Variants in ADCY10 observed in about 807,000 individuals in gnomAD.
The protein encoded by ADCY10 is adenylate cyclase 10.
ADCY10 carries 156 observed loss-of-function variants against 183.3 expected under a neutral mutation model. That is an observed-to-expected ratio of 0.85 (90% CI 0.75 to 0.97). The LOEUF is 0.97. Among genes scored for constraint, ADCY10 ranks in the 50% least tolerant of loss-of-function variants. ADCY10 has a pLI of 0.00. For synonymous variants in ADCY10, 645 were observed against 670.0 expected (o/e 0.96, Z 0.58); for missense variants, 1,745 against 1,934.3 (o/e 0.90, Z 1.84).
intron 30 of ADCY10, chr1:167,820,091 G>A: frequency 6.4e-7 from 1 of 1,573,128 alleles, no homozygotes; most frequent in Non-Finnish European, 8.7e-7. Context: ...TTTGGCTATG[G>A]TTGTCCTGAC....
Position 167,829,267 on chromosome 1 carries a change from C to T in ADCY10, c.3750G>A (p.Gln1250=), listed in dbSNP as rs1363530514. The T allele has an allele frequency of 3.1e-6, 5 of 1,613,996 alleles. No individual in the cohort carries two copies. The highest frequency in any genetic ancestry group is 3.4e-6 in the Non-Finnish European group (4 of 1,179,896). The change falls in exon 26 of 33, where the codon CAG becomes CAA. Residue 1250 remains glutamine, a splice_region_variant and synonymous_variant. Coordinates refer to ENST00000367851, the MANE Select transcript of ADCY10 (RefSeq NM_018417.6). ...AGGAGCAGCTACAAAAATCCCCTAC[C>T]TGGAAACAATTTTGAGTTTCCAGTG... ...NTALETQNCF[Q]IIKAYLDYSL... is the part of the protein sequence containing the mutation.
chr1:167,848,260 A>G, intron 19 of ADCY10, 101 bp downstream of exon 19: 1 of 940,180 alleles, frequency 1.1e-6, no homozygotes, highest in Non-Finnish European at 1.7e-6. Flanking sequence ...CATATTGGCC[A>G]GGCTGGTCTC....
intron 14 of ADCY10, among the ~76,000 whole-genome samples, chr1:167,862,441 C>T (rs1666353434): frequency 6.6e-6 from 1 of 152,122 alleles, no homozygotes; most frequent in Admixed American, 6.5e-5. Context: ...CTTTGGAACA[C>T]CAAAGATGGC....
At position 167,846,255 on chromosome 1, in the gene ADCY10, G is replaced by A; in HGVS notation, c.2446C>T (p.Leu816=). Residue 816 remains leucine, a synonymous_variant, in exon 20 of 33, where the codon CTG becomes TTG. Coordinates refer to ENST00000367851, the MANE Select transcript of ADCY10 (RefSeq NM_018417.6). The part of the protein sequence containing the change: ...SPPTSLKEIS[L]IQLDSMRLSH... Reference sequence around the variant, plus strand: ...AGTCTCATGCTATCCAGCTGGATCAGAGAGATTTCTGCAGGTAGAAGGCCA... The same window carrying A: ...AGTCTCATGCTATCCAGCTGGATCAAAGAGATTTCTGCAGGTAGAAGGCCA... 2 of 1,614,182 alleles carry A rather than the reference G, an allele frequency of 1.2e-6. No homozygotes were observed. The highest frequency in any genetic ancestry group is 2.7e-5 in the African/African-American group (2 of 75,044).
At position 167,856,147 on chromosome 1, in the gene ADCY10, T is replaced by C. The variant is rs1665872144; in HGVS notation, c.2171+18A>G. 1.2e-6 allele frequency: 2 copies of C among 1,613,862 alleles called. No homozygotes were observed. Among genetic ancestry groups the C allele is most frequent in the Non-Finnish European group, 1.7e-6 (2 of 1,179,760 alleles). Reference sequence around the variant, plus strand: ...GTATGCAGATGTCGAGAGTTCAGAATAGAAAGAGGTTACTTACGAGTCCAG... The same window carrying C: ...GTATGCAGATGTCGAGAGTTCAGAACAGAAAGAGGTTACTTACGAGTCCAG... On this transcript the variant is annotated intron_variant, in intron 17 of 32. Transcript: ENST00000367851.
At chr1:167,901,952 A>G (rs1358141841) in intron 4 of ADCY10, 64 bp downstream of exon 4, 4 of 1,608,680 alleles carry the variant, frequency 2.5e-6, no homozygotes, top group South Asian at 1.1e-5. Context: ...TTTGTCCCCA[A>G]CACAGAAGCA....
chr1:167,825,864 A>G (rs16859729), intron 26 of ADCY10, among the ~76,000 whole-genome samples: 4,801 of 152,340 alleles, frequency 0.032, 140 homozygotes, highest in East Asian at 0.14. Flanking sequence ...TTAAAAAGAT[A>G]AAGTTGCTTC....
intron 8 of ADCY10, among the ~76,000 whole-genome samples, chr1:167,884,734 G>C (rs1212807008): frequency 1.6e-5 from 2 of 126,302 alleles, no homozygotes; most frequent in Non-Finnish European, 3.1e-5. Context: ...GTCTCGCTCT[G>C]TTGCTCAGGC....
chr1:167,815,857 A>T (rs1029172291), intron 31 of ADCY10, among the ~76,000 whole-genome samples: 1 of 152,138 alleles, frequency 6.6e-6, no homozygotes, highest in Non-Finnish European at 1.5e-5. Flanking sequence ...GATCAAAAAC[A>T]CTGTGAGAGA....
intron 13 of ADCY10, among the ~76,000 whole-genome samples, chr1:167,872,467 A>T (rs1667174722): frequency 1.3e-5 from 2 of 151,794 alleles, no homozygotes; most frequent in Admixed American, 6.6e-5. Context: ...CTTTAGCTGG[A>T]TTCTAAAATG....
chr1:167,875,018 T>G, intron 13 of ADCY10, 113 bp downstream of exon 13: 3 of 921,786 alleles, frequency 3.3e-6, no homozygotes, highest in Non-Finnish European at 5.3e-6. Context: ...GGATGATGAT[T>G]ATATTTTCAT....
At chr1:167,912,785 A>C (rs1344758479) in intron 1 of ADCY10, among the ~76,000 whole-genome samples, 1 of 152,136 alleles carries the variant, frequency 6.6e-6, no homozygotes. Context: ...GTGTTCCTCC[A>C]CTCATCGGAG....
chr1:167,870,999 T>C (rs1239798675), intron 13 of ADCY10, among the ~76,000 whole-genome samples: 1 of 152,152 alleles, frequency 6.6e-6, no homozygotes, highest in Non-Finnish European at 1.5e-5. Flanking sequence ...AATTATAGTG[T>C]AGAAAACTGA....
At chr1:167,868,731 G>T (rs572746771) in intron 14 of ADCY10, among the ~76,000 whole-genome samples, 1 of 152,156 alleles carries the variant, frequency 6.6e-6, no homozygotes, top group Non-Finnish European at 1.5e-5. Context: ...CGCGAAAAGC[G>T]AAACATAGCC....
chr1:167,823,424 CAAAA>C (rs34394385), intron 28 of ADCY10, among the ~76,000 whole-genome samples: 1 of 42,824 alleles, frequency 2.3e-5, no homozygotes, highest in East Asian at 5.5e-4. Context: ...AACTCCATCT[CAAAA>C]AAAAAAAAAA....
intron 5 of ADCY10, among the ~76,000 whole-genome samples, chr1:167,901,186 C>G (rs995435916): frequency 6.6e-6 from 1 of 152,074 alleles, no homozygotes; most frequent in South Asian, 2.1e-4. Context: ...CTTTAAGAAG[C>G]CTTGTGTAAA....
intron 3 of ADCY10, 96 bp from the exon 4 acceptor site, chr1:167,902,150 G>C (rs762824453): frequency 1.7e-6 from 2 of 1,200,160 alleles, no homozygotes; most frequent in Non-Finnish European, 2.4e-6. Context: ...TAGGTCAAAA[G>C]AACAGTGATT....
chr1:167,809,693 C>T lies in ADCY10; in HGVS notation c.4818G>A (p.Val1606=), dbSNP rs767453932. Reference sequence around the variant, plus strand: ...CTTTGACATGTTAGAAATGATTGTCCACGGTATTAGCTCTCATCAGGAATT... The same window carrying T: ...CTTTGACATGTTAGAAATGATTGTCTACGGTATTAGCTCTCATCAGGAATT... ...KNKFLMRANT[V]DNHF Residue 1606 remains valine, a synonymous_variant, in exon 33 of 33, where the codon GTG becomes GTA. Transcript: ENST00000367851. The T allele has an allele frequency of 1.9e-6, 3 of 1,614,012 alleles. No homozygotes were observed. The South Asian group carries it at 3.3e-5, about 18-fold the overall frequency.
chr1:167,903,773 A>T (rs982794577), intron 3 of ADCY10, 114 bp downstream of exon 3: 1 of 765,780 alleles, frequency 1.3e-6, no homozygotes, highest in Non-Finnish European at 2.3e-6. Context: ...TACACATTTC[A>T]TGGGGAAGAG....
Sources: allele counts gnomAD v4.1 joint callset (sites outside exome capture counted in the v4.1 genomes callset), GRCh38; gene constraint gnomAD v4.1.1; transcripts MANE v1.5; gene names NCBI Gene and HGNC (gene_info 2026-07-23, HGNC 2026-07-21).